USP5: variants seen among roughly 807,000 people sequenced by gnomAD.
USP5 encodes the protein ubiquitin specific peptidase 5, also known as ubiquitin carboxyl-terminal hydrolase 5.
Under a neutral mutation model 102.5 loss-of-function variants are expected in USP5, and 24 were observed. That is an observed-to-expected ratio of 0.23 (90% CI 0.17 to 0.33). USP5 has a LOEUF of 0.33. Ranked by LOEUF, USP5 falls within the 10% of genes least tolerant of loss-of-function variation. The pLI is 1.00. For missense variants in USP5, 753 were observed against 1,122.1 expected (o/e 0.67, Z 4.70); for synonymous variants, 460 against 434.8 (o/e 1.06, Z -0.72).
intron 19 of USP5, 117 bp from the exon 20 acceptor site, chr12:6,865,854 CTGGGCTGTGGATT>C: frequency 1.3e-6 from 1 of 764,092 alleles, no homozygotes; most frequent in Non-Finnish European, 2.2e-6. Flanking sequence ...CACATGGTGG[CTGGGCTGTGGATT>C]TGGGGTATGG....
chr12:6,865,128 C>T (rs782009475), intron 18 of USP5, 36 bp from the exon 19 acceptor site: 1 of 1,561,434 alleles, frequency 6.4e-7, no homozygotes, highest in East Asian at 2.3e-5. Context: ...CATTCCTCTT[C>T]TGTTTCCTTC....
chr12:6,864,010 C>A lies in USP5; in HGVS notation c.2098+37C>A. ...TGGGGAGCAGGGTGGGGCAGGGCCT[C>A]CATCCTCCCCCAAACACATCAACCC... is the stretch of plus-strand genomic sequence containing the variant. On this transcript the variant is annotated intron_variant, in intron 16 of 19. Coordinates refer to ENST00000229268, the MANE Select transcript of USP5 (RefSeq NM_001098536.2). This position sits in a 1 kb window ranked among gnomAD's most constrained non-coding sequence, Gnocchi z 4.8. The A allele has an allele frequency of 2.5e-6, 4 of 1,579,850 alleles. No individual in the cohort carries two copies. The South Asian group carries it at 4.6e-5, about 18-fold the overall frequency.
chr12:6,866,050 C>T lies in USP5; in HGVS notation c.2550C>T (p.Ile850=). The T allele has an allele frequency of 6.2e-7, 1 of 1,614,138 alleles. No homozygotes were observed. The highest frequency in any genetic ancestry group is 8.5e-7 in the Non-Finnish European group (1 of 1,180,024). The part of the protein sequence containing the change: ...SEKPPKDLGY[I]YFYQRVAS ...AGCCGCCCAAGGACCTGGGCTACAT[C>T]TACTTCTACCAGAGAGTGGCCAGCT... Residue 850 remains isoleucine (I), a synonymous_variant, in exon 20 of 20, where the codon ATC becomes ATT. Coordinates refer to ENST00000229268, the MANE Select transcript of USP5 (RefSeq NM_001098536.2). This position sits in a 1 kb window ranked among gnomAD's most constrained non-coding sequence, Gnocchi z 4.7.
rs536635647 is a variant in USP5, at chr12:6,855,750, T to A, written c.238-5T>A. The A allele has an allele frequency of 3.1e-6, 5 of 1,614,068 alleles. No homozygotes were observed. The highest frequency in any genetic ancestry group is 2.5e-6 in the Non-Finnish European group (3 of 1,180,024). On this transcript the variant is annotated splice_region_variant and splice_polypyrimidine_tract_variant and intron_variant, in intron 2 of 19. Transcript: ENST00000229268. This position sits in a 1 kb window ranked among gnomAD's most constrained non-coding sequence, Gnocchi z 4.6. Reference sequence around the variant, plus strand: ...GCTGATCCAGCCCTTCCTGCTTCTTTACAGAAAGAGGAGGACCCTGCTACA... The same window carrying A: ...GCTGATCCAGCCCTTCCTGCTTCTTAACAGAAAGAGGAGGACCCTGCTACA...
Position 6,864,278 on chromosome 12 carries a change from C to T in USP5, c.2244+83C>T. 6.7e-7 allele frequency: 1 copy of T among 1,489,906 alleles called. No homozygotes were observed. The highest frequency in any genetic ancestry group is 8.9e-7 in the Non-Finnish European group (1 of 1,123,120). The allele number at this position is 1,489,906 out of a possible 1,614,324, so 92.3% of individuals were successfully genotyped here. A position where few individuals can be genotyped will look rare whatever the true frequency, so the allele number is the denominator to read the frequency against. ...AGGGGCCATCCTTCTTGAGCAAGACCAAAGACAACAGGTGTGGTCTGGCCG... is the reference window on the plus strand; with the variant it reads ...AGGGGCCATCCTTCTTGAGCAAGACTAAAGACAACAGGTGTGGTCTGGCCG... On this transcript the variant is annotated intron_variant, in intron 17 of 19. Coordinates refer to ENST00000229268, the MANE Select transcript of USP5 (RefSeq NM_001098536.2). This position sits in a 1 kb window ranked among gnomAD's most constrained non-coding sequence, Gnocchi z 4.8.
intron 1 of USP5, among the ~76,000 whole-genome samples, chr12:6,854,179 A>C (rs148414360): frequency 6.6e-6 from 1 of 152,196 alleles, no homozygotes; most frequent in Non-Finnish European, 1.5e-5. Flanking sequence ...TGTTCTAGCT[A>C]TCTCAGCAAG....
chr12:6,864,302 C>A lies in USP5; in HGVS notation c.2244+107C>A. Reference sequence around the variant, plus strand: ...CCAAAGACAACAGGTGTGGTCTGGCCGAGGTTGGGCACCACTCTTTTGTGG... The same window carrying A: ...CCAAAGACAACAGGTGTGGTCTGGCAGAGGTTGGGCACCACTCTTTTGTGG... On this transcript the variant is annotated intron_variant, in intron 17 of 19. Coordinates refer to ENST00000229268, the MANE Select transcript of USP5 (RefSeq NM_001098536.2). The surrounding 1 kb of genome is among the most constrained non-coding windows in gnomAD (Gnocchi z 4.8). 7.0e-7 allele frequency: 1 copy of A among 1,424,254 alleles called. No individual in the cohort carries two copies. The highest frequency in any genetic ancestry group is 9.2e-7 in the Non-Finnish European group (1 of 1,083,128). The allele number at this position is 1,424,254 out of a possible 1,614,324, so 88.2% of individuals were successfully genotyped here.
In USP5 at chr12:6,863,970, C is replaced by G. The variant is rs1555130150; in HGVS notation, c.2095C>G (p.Pro699Ala). ...CTGGGTCATGTCACACATGGATGAT[C>G]CAGGTAGGCTGGGGTGGGGAGCAGG... Reference protein sequence around the residue: ...MNWVMSHMDDPDFANPLILPG... With the variant: ...MNWVMSHMDDADFANPLILPG... Residue 699 changes from proline to alanine, a missense_variant, in exon 16 of 20, where the codon CCA becomes GCA. Physicochemically the swap from Pro to Ala is conservative, Grantham distance 27. Around this residue, in one of 3 missense-constraint regions of USP5, gnomAD observed 193 missense variants for 230.2 expected, o/e 0.84. Coordinates refer to ENST00000229268, the MANE Select transcript of USP5 (RefSeq NM_001098536.2). The surrounding 1 kb of genome is among the most constrained non-coding windows in gnomAD (Gnocchi z 4.7). 3 of 1,591,912 alleles carry G rather than the reference C, an allele frequency of 1.9e-6. No homozygotes were observed. In the South Asian group the frequency reaches 3.4e-5, roughly 18 times the overall value.
chr12:6,864,229 G>C lies in USP5; in HGVS notation c.2244+34G>C. 1 of 1,556,420 alleles carries C rather than the reference G, an allele frequency of 6.4e-7. No homozygotes were observed. Among genetic ancestry groups the C allele is most frequent in the South Asian group, 1.2e-5 (1 of 84,118 alleles). On this transcript the variant is annotated intron_variant, in intron 17 of 19. Transcript: ENST00000229268. The surrounding 1 kb of genome is among the most constrained non-coding windows in gnomAD (Gnocchi z 4.8). ...TGCCCCAGCTAAGGACATGGGGCCA[G>C]TGGGGAAGAAGGGGGTGGGAATGAG...
chr12:6,861,072 G>A lies in USP5; in HGVS notation c.1464G>A (p.Gln488=). 2 of 1,614,232 alleles carry A rather than the reference G, an allele frequency of 1.2e-6. No homozygotes were observed. The highest frequency in any genetic ancestry group is 2.2e-5 in the South Asian group (2 of 91,088). ...KYTQRVDYIM[Q]LPVPMDAALN... ...CCCAGCGAGTTGACTACATCATGCA[G>A]CTGCCTGTGCCCATGGATGCAGCCC... Residue 488 remains glutamine (Q), a synonymous_variant, in exon 12 of 20, where the codon CAG becomes CAA. Transcript: ENST00000229268. This position sits in a 1 kb window ranked among gnomAD's most constrained non-coding sequence, Gnocchi z 4.9.
Position 6,861,757 on chromosome 12 carries a change from T to TTGGTTCCATCAGGGCCA in USP5, c.1673+140_1673+141insTGGTTCCATCAGGGCCA. The TTGGTTCCATCAGGGCCA allele has an allele frequency of 3.0e-6, 3 of 990,270 alleles. No individual in the cohort carries two copies. The highest frequency in any genetic ancestry group is 4.1e-6 in the Non-Finnish European group (3 of 737,252). 61.3% of individuals were successfully genotyped at this position (990,270 alleles called of 1,614,324 possible). A position where few individuals can be genotyped will look rare whatever the true frequency, so the allele number is the denominator to read the frequency against. ...ATCAGTTGGGCTGGTAATCTGGCCC[T>TTGGTTCCATCAGGGCCA]GATGGAACCAAGGGGCCCTGGTAGG... On this transcript the variant is annotated intron_variant, in intron 13 of 19. Transcript: ENST00000229268. This position sits in a 1 kb window ranked among gnomAD's most constrained non-coding sequence, Gnocchi z 4.9.
rs1944430750 is a variant in USP5, at chr12:6,865,872, G to T, written c.2484-112G>T. ...ATGGTGGCTGGGCTGTGGATTTGGG[G>T]TATGGGCAGAGAGTGTGGAGAGCAC... On this transcript the variant is annotated intron_variant, in intron 19 of 19. Coordinates refer to ENST00000229268, the MANE Select transcript of USP5 (RefSeq NM_001098536.2). 3 of 903,560 alleles carry T rather than the reference G, an allele frequency of 3.3e-6. No individual in the cohort carries two copies. The East Asian group carries it at 7.6e-5, about 23-fold the overall frequency. 56.0% of individuals were successfully genotyped at this position (903,560 alleles called of 1,614,324 possible). A position where few individuals can be genotyped will look rare whatever the true frequency, so the allele number is the denominator to read the frequency against.
rs782119153 is a variant in USP5 at position 6,856,694 on chromosome 12, C to T, written c.585-13C>T. The T allele has an allele frequency of 6.2e-6, 10 of 1,613,514 alleles. No homozygotes were observed. In the East Asian group the frequency reaches 8.9e-5, roughly 14 times the overall value. On this transcript the variant is annotated splice_polypyrimidine_tract_variant and intron_variant, in intron 5 of 19. Coordinates refer to ENST00000229268, the MANE Select transcript of USP5 (RefSeq NM_001098536.2). The surrounding 1 kb of genome is among the most constrained non-coding windows in gnomAD (Gnocchi z 5.6). ...GACCCACATTTCTGCTGATTCTCTTCTCTGTGGGTTAGTGGCTGGAAGTGC... is the reference window on the plus strand; with the variant it reads ...GACCCACATTTCTGCTGATTCTCTTTTCTGTGGGTTAGTGGCTGGAAGTGC...
intron 19 of USP5, 52 bp from the exon 20 acceptor site, chr12:6,865,932 C>A (rs1944433437): frequency 1.3e-6 from 2 of 1,516,644 alleles, no homozygotes; most frequent in Middle Eastern, 1.7e-4. Flanking sequence ...TACATGATGC[C>A]ACTTTGAATG....
chr12:6,859,593 C>T (rs1944215414), intron 9 of USP5, 52 bp downstream of exon 9: 2 of 1,568,658 alleles, frequency 1.3e-6, no homozygotes, highest in African/African-American at 2.7e-5. Context: ...TGGCCGTATA[C>T]CTTCCTCCTC....
Position 6,866,152 on chromosome 12 carries a change from C to A in USP5, c.*75C>A. On this transcript the variant is annotated 3_prime_UTR_variant, in exon 20 of 20. Coordinates refer to ENST00000229268, the MANE Select transcript of USP5 (RefSeq NM_001098536.2). The surrounding 1 kb of genome is among the most constrained non-coding windows in gnomAD (Gnocchi z 4.7). ...TGAGGGAGAGGGGCTGAGGGATGGA[C>A]TTCAGCCCCTCTGCTCTGTACCCTT... The A allele has an allele frequency of 1.5e-6, 2 of 1,354,494 alleles. No homozygotes were observed. The highest frequency in any genetic ancestry group is 2.1e-6 in the Non-Finnish European group (2 of 948,120). 83.9% of individuals were successfully genotyped at this position (1,354,494 alleles called of 1,614,324 possible). A position where few individuals can be genotyped will look rare whatever the true frequency, so the allele number is the denominator to read the frequency against.
Position 6,855,350 on chromosome 12 carries a change from A to C in USP5, c.112-51A>C. The C allele has an allele frequency of 1.2e-6, 2 of 1,605,890 alleles. No individual in the cohort carries two copies. The highest frequency in any genetic ancestry group is 1.7e-6 in the Non-Finnish European group (2 of 1,175,782). On this transcript the variant is annotated intron_variant, in intron 1 of 19. Transcript: ENST00000229268. The surrounding 1 kb of genome is among the most constrained non-coding windows in gnomAD (Gnocchi z 4.6). The stretch of plus-strand genomic sequence containing the variant: ...CTCCAGGTTTTGGTTTCCTCACCTG[A>C]CCAGGCTTCATAACATCCTCGTGTT...
Position 6,858,649 on chromosome 12 carries a change from C to G in USP5, c.1058+32C>G. 6.3e-7 allele frequency: 1 copy of G among 1,578,482 alleles called. No individual in the cohort carries two copies. Among genetic ancestry groups the G allele is most frequent in the Non-Finnish European group, 8.7e-7 (1 of 1,153,428 alleles). ...AGTGCCCTCTCCTTCCCCAGGCCCC[C>G]TCCTGGTCAGCACCCTCTGGGCATA... On this transcript the variant is annotated intron_variant, in intron 8 of 19. Coordinates refer to ENST00000229268, the MANE Select transcript of USP5 (RefSeq NM_001098536.2). This position sits in a 1 kb window ranked among gnomAD's most constrained non-coding sequence, Gnocchi z 4.2.
At position 6,864,855 on chromosome 12, in the gene USP5, A is replaced by G; in HGVS notation, c.2378A>G (p.Lys793Arg). ...SISESVPVGP[K>R]VRDGPGKYQL... ...TCTGAGTCTGTGCCAGTGGGACCTA[A>G]AGTCCGGGATGGTCCTGGAAGTGAG... Residue 793 changes from lysine (K) to arginine (R), a missense_variant, in exon 18 of 20, where the codon AAA becomes AGA. Physicochemically the swap from Lys to Arg is conservative, Grantham distance 26. Coordinates refer to ENST00000229268, the MANE Select transcript of USP5 (RefSeq NM_001098536.2). The surrounding 1 kb of genome is among the most constrained non-coding windows in gnomAD (Gnocchi z 4.8). 1 of 1,613,816 alleles carries G rather than the reference A, an allele frequency of 6.2e-7. No individual in the cohort carries two copies. Among genetic ancestry groups the G allele is most frequent in the Middle Eastern group, 1.7e-4 (1 of 6,020 alleles).
Sources: gnomAD v4.1 joint callset for allele counts (sites outside exome capture counted in the v4.1 genomes callset) on GRCh38, gnomAD v4.1.1 for gene constraint, gnomAD v4.1.1 regional missense constraint, Gnocchi (gnomAD v3.1) non-coding constraint, MANE v1.5 for transcripts, NCBI Gene and HGNC (gene_info 2026-07-23, HGNC 2026-07-21) for gene names.